Variants in PRKDC observed in about 807,000 individuals in gnomAD.
The protein encoded by PRKDC is DNA-dependent protein kinase catalytic subunit.
PRKDC carries 82 observed loss-of-function variants against 486.9 expected under a neutral mutation model. That is an observed-to-expected ratio of 0.17 (90% confidence interval 0.14 to 0.20). PRKDC has a LOEUF of 0.20. PRKDC is among the 10% of genes least tolerant of loss of function. PRKDC has a pLI of 1.00. For missense variants in PRKDC, 4,504 were observed against 5,038.2 expected (o/e 0.89, Z 3.21); for synonymous variants, 1,895 against 1,837.0 (o/e 1.03, Z -0.81).
intron 7 of PRKDC, among the ~76,000 whole-genome samples, chr8:47,948,793 T>G (rs1245540940): frequency 3.3e-5 from 5 of 152,154 alleles, no homozygotes; most frequent in African/African-American, 1.2e-4. Flanking sequence ...ACCCATGAAT[T>G]AGTATTTAGT....
intron 48 of PRKDC, 125 bp downstream of exon 48, chr8:47,858,391 T>C: frequency 2.1e-6 from 2 of 934,286 alleles, no homozygotes; most frequent in Non-Finnish European, 3.0e-6. Flanking sequence ...TCTGCCCCTT[T>C]ATATTTTCCT....
rs567780891 is a variant in PRKDC at position 47,775,206 on chromosome 8, A to C, written c.12183-829T>G. 3.4e-3 allele frequency among the ~76,000 whole-genome samples: 507 copies of C among 151,118 alleles called. 2 individuals are homozygous for C. Among genetic ancestry groups the C allele is most frequent in the African/African-American group, 0.012 (488 of 41,060 alleles). On this transcript the variant is annotated intron_variant, in intron 85 of 85. Transcript: ENST00000314191. ...TGTCTCAAAAATAAATAAATAAATA[A>C]ATAAATAAATTAATTAATTAATAGC...
intron 54 of PRKDC, among the ~76,000 whole-genome samples, chr8:47,845,175 C>A (rs915282601): frequency 2.0e-5 from 3 of 151,980 alleles, no homozygotes; most frequent in Non-Finnish European, 4.4e-5. Flanking sequence ...GAGCCGAGAT[C>A]GCTACCACTG....
chr8:47,818,754 T>C (rs2087512242), intron 67 of PRKDC, among the ~76,000 whole-genome samples: 1 of 152,188 alleles, frequency 6.6e-6, no homozygotes, highest in African/African-American at 2.4e-5. Flanking sequence ...AATATCAGTT[T>C]TTATCAGTAT....
intron 24 of PRKDC, among the ~76,000 whole-genome samples, chr8:47,913,245 G>C (rs1262731605): frequency 6.6e-6 from 1 of 152,118 alleles, no homozygotes; most frequent in South Asian, 2.1e-4. Flanking sequence ...GTATCACCAA[G>C]GTATGCTATG....
intron 81 of PRKDC, 67 bp from the exon 82 acceptor site, chr8:47,778,866 AC>A: frequency 6.6e-7 from 1 of 1,514,568 alleles, no homozygotes; most frequent in Non-Finnish European, 8.9e-7. Context: ...AAATTTTAAA[AC>A]TTTTTGTTTA....
At position 47,839,310 on chromosome 8, in the gene PRKDC, AC is replaced by A. The variant is rs779028189; in HGVS notation, c.7455-65del. ...TCTCTTCTGGCCCTTTTGTTCAACT[AC>A]AGTAACACCATCTAGAATTCAATTT... On this transcript the variant is annotated intron_variant, in intron 55 of 85. Transcript: ENST00000314191. 62 of 1,088,474 alleles carry A rather than the reference AC, an allele frequency of 5.7e-5. 1 individual carries two copies. The highest frequency in any genetic ancestry group is 8.2e-5 in the Non-Finnish European group (59 of 719,384). 67.4% of individuals were successfully genotyped at this position (1,088,474 alleles called of 1,614,324 possible).
chr8:47,774,766 C>CT lies in PRKDC; in HGVS notation c.12183-390dup, dbSNP rs200183641. 7.6e-3 allele frequency among the ~76,000 whole-genome samples: 1,148 copies of CT among 151,052 alleles called. 12 individuals carry two copies. Among genetic ancestry groups the CT allele is most frequent in the South Asian group, 0.025 (117 of 4,738 alleles). On this transcript the variant is annotated intron_variant, in intron 85 of 85. Coordinates refer to ENST00000314191, the MANE Select transcript of PRKDC (RefSeq NM_006904.7). Reference sequence around the variant, plus strand: ...TACATCCTCAACACTTGTTAGATTCCTTTTTTTTTAATTAAAAAAAGAGAA... The same window carrying CT: ...TACATCCTCAACACTTGTTAGATTCCTTTTTTTTTTAATTAAAAAAAGAGAA...
At position 47,817,474 on chromosome 8, in the gene PRKDC, A is replaced by T. The variant is rs1001246819; in HGVS notation, c.9533T>A (p.Ile3178Asn). The stretch of plus-strand genomic sequence containing the variant: ...CCGATTTGTGATGATGTCATCCCAG[A>T]TGTTCATTGGGTCCATTTTAGCATC... Reference protein sequence around the residue: ...YPDAKMDPMNIWDDIITNRCF... With the variant: ...YPDAKMDPMNNWDDIITNRCF... Residue 3178 changes from isoleucine to asparagine, a missense_variant, in exon 68 of 86, where the codon ATC (isoleucine) becomes AAC (asparagine). Coordinates refer to ENST00000314191, the MANE Select transcript of PRKDC (RefSeq NM_006904.7). The T allele has an allele frequency of 3.1e-6, 5 of 1,604,712 alleles. No homozygotes were observed. The highest frequency in any genetic ancestry group is 4.3e-6 in the Non-Finnish European group (5 of 1,174,494).
Position 47,831,809 on chromosome 8 carries a change from C to A in PRKDC, c.8265+5G>T. The A allele has an allele frequency of 1.2e-6, 2 of 1,613,308 alleles. No homozygotes were observed. Among genetic ancestry groups the A allele is most frequent in the Non-Finnish European group, 1.7e-6 (2 of 1,179,266 alleles). ...TTCTGATCAAATTCTTGACAAGATA[C>A]AAACCTTCTCTCGTTTTTGCTCAGC... On this transcript the variant is annotated splice_donor_5th_base_variant and intron_variant, in intron 60 of 85. Coordinates refer to ENST00000314191, the MANE Select transcript of PRKDC (RefSeq NM_006904.7).
In PRKDC at chr8:47,784,985, T is replaced by C. The variant is rs570999128; in HGVS notation, c.11107+128A>G. 1.8e-4 allele frequency: 173 copies of C among 947,884 alleles called. No individual in the cohort carries two copies. In the East Asian group the frequency reaches 4.5e-3, roughly 25 times the overall value. The allele number at this position is 947,884 out of a possible 1,614,324, so 58.7% of individuals were successfully genotyped here. On this transcript the variant is annotated intron_variant, in intron 77 of 85. Transcript: ENST00000314191. The stretch of plus-strand genomic sequence containing the variant: ...TCCTAATGATGAAAAATTCGGTGAA[T>C]TTTAAAATTCTTTAAAAAAAGAAAT...
intron 34 of PRKDC, 59 bp from the exon 35 acceptor site, chr8:47,887,764 C>T (rs1301295959): frequency 1.3e-6 from 2 of 1,490,886 alleles, no homozygotes; most frequent in African/African-American, 1.4e-5. Flanking sequence ...AAAAAAACAA[C>T]TTCACTCCTC....
chr8:47,897,109 A>G lies in PRKDC; in HGVS notation c.3598+52T>C. 11 of 1,493,868 alleles carry G rather than the reference A, an allele frequency of 7.4e-6. No homozygotes were observed. In the South Asian group the frequency reaches 1.5e-4, roughly 20 times the overall value. 92.5% of individuals were successfully genotyped at this position (1,493,868 alleles called of 1,614,324 possible). A position where few individuals can be genotyped will look rare whatever the true frequency, so the allele number is the denominator to read the frequency against. On this transcript the variant is annotated intron_variant, in intron 30 of 85. Coordinates refer to ENST00000314191, the MANE Select transcript of PRKDC (RefSeq NM_006904.7). Reference sequence around the variant, plus strand: ...ACTCAATTCTTCTTTACTTCTTTTAAATGGGATAATAAAGCACCGTGGTGA... The same window carrying G: ...ACTCAATTCTTCTTTACTTCTTTTAGATGGGATAATAAAGCACCGTGGTGA...
intron 66 of PRKDC, among the ~76,000 whole-genome samples, chr8:47,820,411 C>G (rs2087561844): frequency 6.6e-6 from 1 of 151,804 alleles, no homozygotes; most frequent in African/African-American, 2.4e-5. Flanking sequence ...AAACACCCTA[C>G]TCTCAAGTGT....
At chr8:47,831,620 TCC>T in intron 60 of PRKDC, among the ~76,000 whole-genome samples, 192 bp downstream of exon 60, 1 of 151,994 alleles carries the variant, frequency 6.6e-6, no homozygotes, top group East Asian at 2.0e-4. Flanking sequence ...CTGGGCGCAC[TCC>T]TGGACCCCCA....
rs182064516 is a variant in PRKDC, at chr8:47,901,428, C to A, written c.3270-961G>T. 1.8e-4 allele frequency among the ~76,000 whole-genome samples: 28 copies of A among 152,014 alleles called. 1 individual carries two copies. The East Asian group carries it at 4.5e-3, about 24-fold the overall frequency. On this transcript the variant is annotated intron_variant, in intron 27 of 85. Transcript: ENST00000314191. ...AGCAGAGGTTGCAGTGAGCCGAGAT[C>A]GCACCACTGCACTCCAGCCTGGGTG...
Position 47,774,396 on chromosome 8 carries a change from C to G in PRKDC, c.12183-19G>C, listed in dbSNP as rs2086569811. 1.2e-6 allele frequency: 2 copies of G among 1,606,378 alleles called. No individual in the cohort carries two copies. ...CTCATCACTGGAAAAAAAACAAACACAGAAAACACAAAGCATGTGTCATTG... is the reference window on the plus strand; with the variant it reads ...CTCATCACTGGAAAAAAAACAAACAGAGAAAACACAAAGCATGTGTCATTG... On this transcript the variant is annotated intron_variant, in intron 85 of 85. Transcript: ENST00000314191.
chr8:47,821,651 C>A lies in PRKDC; in HGVS notation c.9064G>T (p.Glu3022Ter). 6.2e-7 allele frequency: 1 copy of A among 1,603,382 alleles called. No homozygotes were observed. Among genetic ancestry groups the A allele is most frequent in the East Asian group, 2.2e-5 (1 of 44,714 alleles). ...ATTTTATTTAGGTCTGGGGGGTTCT[C>A]ACTGTCTATACTGGCTGTAGAACAG... is the stretch of plus-strand genomic sequence containing the variant. ...EYCSTASIDS[E>*]NPPDLNKIWS... The change falls in exon 65 of 86, where the codon GAG (glutamate) becomes TAG (stop). Residue 3022 changes from glutamate (E) to a stop codon, truncating the protein, a stop_gained. Transcript: ENST00000314191. LOFTEE classifies it high-confidence loss of function.
chr8:47,913,847 G>A lies in PRKDC; in HGVS notation c.2781+54C>T, dbSNP rs1166488069. On this transcript the variant is annotated intron_variant, in intron 24 of 85. Coordinates refer to ENST00000314191, the MANE Select transcript of PRKDC (RefSeq NM_006904.7). Reference sequence around the variant, plus strand: ...ATGTTCTCTATATCCTAAGCAATATGTATTTTTAAAGCAATAGGATCTAAA... The same window carrying A: ...ATGTTCTCTATATCCTAAGCAATATATATTTTTAAAGCAATAGGATCTAAA... 2.0e-6 allele frequency: 3 copies of A among 1,474,636 alleles called. No individual in the cohort carries two copies. In the African/African-American group the frequency reaches 4.3e-5, roughly 21 times the overall value. The allele number at this position is 1,474,636 out of a possible 1,614,324, so 91.3% of individuals were successfully genotyped here.
Sources: allele counts gnomAD v4.1 joint callset (sites outside exome capture counted in the v4.1 genomes callset), GRCh38; gene constraint gnomAD v4.1.1; transcripts MANE v1.5; gene names NCBI Gene and HGNC (gene_info 2026-07-23, HGNC 2026-07-21).